The following KMT2D variants were observed in gnomAD, a reference collection of about 807,000 sequenced individuals.
KMT2D encodes lysine methyltransferase 2D.
In KMT2D, 55 loss-of-function variants were observed where a neutral mutation model predicts 512.7. The ratio of observed to expected loss-of-function variants is 0.11; its 90% CI spans 0.09 to 0.13. The LOEUF (loss-of-function observed/expected upper bound fraction) is 0.13. Among genes scored for constraint, KMT2D ranks in the 10% least tolerant of loss-of-function variants. KMT2D has a pLI of 1.00. For missense variants in KMT2D, 6,061 were observed against 7,127.9 expected (o/e 0.85, Z 5.39); for synonymous variants, 2,995 against 2,904.0 (o/e 1.03, Z -1.01).
chr12:49,058,922 G>A (rs1938572386), intron 1 of KMT2D, among the ~76,000 whole-genome samples: 1 of 152,172 alleles, frequency 6.6e-6, no homozygotes, highest in Non-Finnish European at 1.5e-5. Context: ...AGGAGGGGAG[G>A]CAAAGCAGGC....
Position 49,021,561 on chromosome 12 carries a change from A to G in KMT2D, c.*219T>C. The G allele has an allele frequency of 1.8e-6, 1 of 552,930 alleles. No homozygotes were observed. The highest frequency in any genetic ancestry group is 1.9e-5 in the African/African-American group (1 of 53,034). 34.3% of individuals were successfully genotyped at this position (552,930 alleles called of 1,614,324 possible). On this transcript the variant is annotated 3_prime_UTR_variant, in exon 55 of 55. Transcript: ENST00000301067. ...TCCTGGAGCTGGGGGCAGAGATGCCAGCCTGAGGGCCGGTGGTGGGGAAGA... is the reference window on the plus strand; with the variant it reads ...TCCTGGAGCTGGGGGCAGAGATGCCGGCCTGAGGGCCGGTGGTGGGGAAGA...
At chr12:49,035,859 C>CAG (rs1475110134) in intron 35 of KMT2D, 1 of 152,318 alleles carries the variant, frequency 6.6e-6, no homozygotes, top group Non-Finnish European at 1.5e-5. Context: ...AGCACCTGGC[C>CAG]AGAGCTCCCA....
chr12:49,027,959 C>T, intron 47 of KMT2D, 29 bp from the exon 48 acceptor site: 5 of 1,613,556 alleles, frequency 3.1e-6, no homozygotes, highest in Non-Finnish European at 4.2e-6. Flanking sequence ...CAGAGCCTCC[C>T]ACCAGAATCA....
chr12:49,053,186 G>A (rs1170361306), intron 8 of KMT2D, 21 bp downstream of exon 8: 2 of 1,609,730 alleles, frequency 1.2e-6, no homozygotes, highest in African/African-American at 1.3e-5. Context: ...GGACAATAGG[G>A]CAGAATCAGG....
In KMT2D at chr12:49,037,953, T is replaced by C. The variant is rs2120488231; in HGVS notation, c.9403A>G (p.Thr3135Ala). The C allele has an allele frequency of 1.2e-6, 2 of 1,603,710 alleles. No individual in the cohort carries two copies. The highest frequency in any genetic ancestry group is 2.7e-5 in the African/African-American group (2 of 74,830). Reference protein sequence around the residue: ...GGRHPSPCQFTIATPKVEPAP... With the variant: ...GGRHPSPCQFAIATPKVEPAP... ...GGCTCTACCTTGGGGGTAGCAATGG[T>C]GAATTGGCAAGGAGAAGGGTGGCGT... Residue 3135 changes from threonine to alanine, a missense_variant, in exon 35 of 55, where the codon ACC becomes GCC. Coordinates refer to ENST00000301067, the MANE Select transcript of KMT2D (RefSeq NM_003482.4).
At position 49,028,034 on chromosome 12, in the gene KMT2D, T is replaced by C. The variant is rs368970745; in HGVS notation, c.14490A>G (p.Pro4830=). The part of the protein sequence containing the change: ...PESPARAGTE[P]KKGEAEGPGG... ...CAGGACCCTCAGCTTCCCCCTTCTTTGGCTCAGTGCCTGCCCGGGCGGGGC... is the reference window on the plus strand; with the variant it reads ...CAGGACCCTCAGCTTCCCCCTTCTTCGGCTCAGTGCCTGCCCGGGCGGGGC... The change falls in exon 47 of 55, where the codon CCA becomes CCG. Residue 4830 remains proline (P), a synonymous_variant. Transcript: ENST00000301067. 15 of 1,613,190 alleles carry C rather than the reference T, an allele frequency of 9.3e-6. No individual in the cohort carries two copies. The East Asian group carries it at 2.7e-4, about 29-fold the overall frequency.
chr12:49,039,339 C>T lies in KMT2D; in HGVS notation c.8249G>A (p.Gly2750Glu), dbSNP rs1943375848. ...AGTQDKSSLVGLPPSKLSGPI... is the reference protein window; with the variant it reads ...AGTQDKSSLVELPPSKLSGPI... The stretch of plus-strand genomic sequence containing the variant: ...GCCACTCAGCTTGCTTGGGGGCAAC[C>T]CCACAAGGCTGCTCTTGTCCTAGAA... Residue 2750 changes from glycine to glutamate, a missense_variant, in exon 34 of 55, where the codon GGG (glycine) becomes GAG (glutamate). Around this residue, in one of 16 missense-constraint regions of KMT2D, gnomAD observed 527 missense variants for 578.9 expected, o/e 0.91. Transcript: ENST00000301067. The surrounding 1 kb of genome is among the most constrained non-coding windows in gnomAD (Gnocchi z 5.0). The T allele has an allele frequency of 6.2e-7, 1 of 1,613,062 alleles. No individual in the cohort carries two copies. Among genetic ancestry groups the T allele is most frequent in the Admixed American group, 1.7e-5 (1 of 59,852 alleles).
chr12:49,048,254 G>C (rs570427086), intron 14 of KMT2D, among the ~76,000 whole-genome samples, 185 bp from the exon 15 acceptor site: 2 of 152,286 alleles, frequency 1.3e-5, no homozygotes, highest in East Asian at 3.9e-4. Flanking sequence ...ACCTAATCAG[G>C]TCACTTGAAT....
rs1471473189 is a variant in KMT2D at position 49,034,545 on chromosome 12, A to G, written c.10440+37T>C. The G allele has an allele frequency of 3.1e-6, 5 of 1,612,244 alleles. No individual in the cohort carries two copies. The South Asian group carries it at 4.4e-5, about 14-fold the overall frequency. ...GCCCTAAGAAGGGTGGCCCAGTGGC[A>G]TAAGACACAAGTTCCTACTCCCACC... is the stretch of plus-strand genomic sequence containing the variant. On this transcript the variant is annotated intron_variant, in intron 37 of 54. Coordinates refer to ENST00000301067, the MANE Select transcript of KMT2D (RefSeq NM_003482.4).
In KMT2D at chr12:49,032,082, T is replaced by G. The variant is rs1565774211; in HGVS notation, c.12623A>C (p.Asn4208Thr). The G allele has an allele frequency of 1.2e-6, 2 of 1,613,428 alleles. No individual in the cohort carries two copies. The highest frequency in any genetic ancestry group is 1.3e-5 in the African/African-American group (1 of 74,954). The change falls in exon 40 of 55, where the codon AAC (asparagine) becomes ACC (threonine). Residue 4208 changes from asparagine to threonine, a missense_variant. Around this residue, in one of 16 missense-constraint regions of KMT2D, gnomAD observed 1,600 missense variants for 1,754.9 expected, o/e 0.91. Coordinates refer to ENST00000301067, the MANE Select transcript of KMT2D (RefSeq NM_003482.4). ...RAQLQGVLAK[N>T]PQLRHLSPQQ... ...AGGACTTAAGTGCCGCAGCTGTGGG[T>G]TTTTGGCCAGGACTCCTTGGAGCTG...
In KMT2D at chr12:49,044,458, A is replaced by G. The variant is rs1221501083; in HGVS notation, c.5028T>C (p.Pro1676=). Residue 1676 remains proline (P), a synonymous_variant, in exon 21 of 55, where the codon CCT becomes CCC. Coordinates refer to ENST00000301067, the MANE Select transcript of KMT2D (RefSeq NM_003482.4). The surrounding 1 kb of genome is among the most constrained non-coding windows in gnomAD (Gnocchi z 6.4). The stretch of plus-strand genomic sequence containing the variant: ...TGCTTTCCTCGGTCTCCTCTTTGCC[A>G]GGCTCCACATCAGGGCTGACGGGGC... The part of the protein sequence containing the change: ...LEGPVSPDVE[P]GKEETEESKK... 1 of 1,613,450 alleles carries G rather than the reference A, an allele frequency of 6.2e-7. No individual in the cohort carries two copies. The highest frequency in any genetic ancestry group is 1.3e-5 in the African/African-American group (1 of 74,736).
In KMT2D at chr12:49,046,481, G is replaced by C. The variant is rs2120607425; in HGVS notation, c.4419-57C>G. On this transcript the variant is annotated intron_variant, in intron 16 of 54. Coordinates refer to ENST00000301067, the MANE Select transcript of KMT2D (RefSeq NM_003482.4). This position sits in a 1 kb window ranked among gnomAD's most constrained non-coding sequence, Gnocchi z 4.2. ...CCCAACCTACCCGAAGTACCCAGAA[G>C]TCCCCTCACCGGAAACCCAAGCCAC... is the stretch of plus-strand genomic sequence containing the variant. The C allele has an allele frequency of 6.3e-7, 1 of 1,597,734 alleles. No individual in the cohort carries two copies. Among genetic ancestry groups the C allele is most frequent in the Non-Finnish European group, 8.5e-7 (1 of 1,169,776 alleles).
intron 12 of KMT2D, 50 bp from the exon 13 acceptor site, chr12:49,049,268 T>C (rs756305579): frequency 8.3e-6 from 10 of 1,202,150 alleles, no homozygotes; most frequent in Non-Finnish European, 1.2e-5. Context: ...GGCTAGTGTG[T>C]TGGGTTTACA....
rs2120710773 is a variant in KMT2D at position 49,054,562 on chromosome 12, C to G, written c.366G>C (p.Glu122Asp). The G allele has an allele frequency of 6.2e-7, 1 of 1,612,562 alleles. No homozygotes were observed. Among genetic ancestry groups the G allele is most frequent in the East Asian group, 2.2e-5 (1 of 44,836 alleles). The stretch of plus-strand genomic sequence containing the variant: ...CTCCTAGGTGGGCAGGTGTAAGGCC[C>G]TCAGGGAAACCAATCTGTGATAGGT... ...SEDLSQIGFP[E>D]GLTPAHLGEP... The change falls in exon 4 of 55, where the codon GAG becomes GAC. Residue 122 changes from glutamate (E) to aspartate (D), a missense_variant. Glu to Asp is a conservative substitution (Grantham distance 45). Around this residue, in one of 16 missense-constraint regions of KMT2D, gnomAD observed 144 missense variants for 165.7 expected, o/e 0.87. Transcript: ENST00000301067. This position sits in a 1 kb window ranked among gnomAD's most constrained non-coding sequence, Gnocchi z 6.4.
rs1373179700 is a variant in KMT2D, at chr12:49,040,244, T to C, written c.7526A>G (p.Lys2509Arg). The change falls in exon 32 of 55, where the codon AAG becomes AGG. Residue 2509 changes from lysine to arginine, a missense_variant. By Grantham distance (26) the Lys-to-Arg change is conservative. This residue lies in a region of KMT2D where 710 missense variants were observed against 647.3 expected (regional missense o/e 1.10). Coordinates refer to ENST00000301067, the MANE Select transcript of KMT2D (RefSeq NM_003482.4). ...PAGPAGELHA[K>R]VPSGQPPNFV... ...ATTGGGGGGCTGCCCACTTGGGACCTTGGCATGGAGCTCACCTGCTGGCCC... is the reference window on the plus strand; with the variant it reads ...ATTGGGGGGCTGCCCACTTGGGACCCTGGCATGGAGCTCACCTGCTGGCCC... 54 of 1,612,594 alleles carry C rather than the reference T, an allele frequency of 3.3e-5. No individual in the cohort carries two copies. The highest frequency in any genetic ancestry group is 4.3e-5 in the Non-Finnish European group (51 of 1,179,420).
Position 49,037,950 on chromosome 12 carries a change from T to C in KMT2D, c.9406A>G (p.Ile3136Val), listed in dbSNP as rs1943305230. The C allele has an allele frequency of 2.5e-6, 4 of 1,603,752 alleles. No homozygotes were observed. The highest frequency in any genetic ancestry group is 3.4e-6 in the Non-Finnish European group (4 of 1,175,522). Residue 3136 changes from isoleucine (I) to valine (V), a missense_variant, in exon 35 of 55, where the codon ATT becomes GTT. Ile to Val is a conservative substitution (Grantham distance 29). Transcript: ENST00000301067. ...GRHPSPCQFT[I>V]ATPKVEPAPA... ...GCGGGCTCTACCTTGGGGGTAGCAA[T>C]GGTGAATTGGCAAGGAGAAGGGTGG...
Position 49,032,685 on chromosome 12 carries a change from TGAA to T in KMT2D, c.12017_12019del (p.Leu4006del). Reference sequence around the variant, plus strand: ...CAGGGCTCCAGGGCTAGAAAAGTGTTGAAGAGGCTTTGCTGGCATGCCAGGGCC... The same window carrying T: ...CAGGGCTCCAGGGCTAGAAAAGTGTTGAGGCTTTGCTGGCATGCCAGGGCC... On this transcript the variant is annotated inframe_deletion, in exon 40 of 55. Coordinates refer to ENST00000301067, the MANE Select transcript of KMT2D (RefSeq NM_003482.4). The T allele has an allele frequency of 6.2e-7, 1 of 1,613,616 alleles. No individual in the cohort carries two copies. The highest frequency in any genetic ancestry group is 8.5e-7 in the Non-Finnish European group (1 of 1,179,752).
Position 49,026,126 on chromosome 12 carries a change from C to A in KMT2D, c.15784+56G>T, listed in dbSNP as rs1942570475. The stretch of plus-strand genomic sequence containing the variant: ...CCTCTTATAGACATTGTAACAGTGA[C>A]CCTGGGAGAAACTTTTCCCATTCCA... On this transcript the variant is annotated intron_variant, in intron 49 of 54. Coordinates refer to ENST00000301067, the MANE Select transcript of KMT2D (RefSeq NM_003482.4). The surrounding 1 kb of genome is among the most constrained non-coding windows in gnomAD (Gnocchi z 9.6). 1 of 1,475,276 alleles carries A rather than the reference C, an allele frequency of 6.8e-7. No individual in the cohort carries two copies. Among genetic ancestry groups the A allele is most frequent in the Non-Finnish European group, 9.1e-7 (1 of 1,094,172 alleles). 91.4% of individuals were successfully genotyped at this position (1,475,276 alleles called of 1,614,324 possible).
chr12:49,054,275 T>G lies in KMT2D; in HGVS notation c.510+32A>C. On this transcript the variant is annotated intron_variant, in intron 5 of 54. Coordinates refer to ENST00000301067, the MANE Select transcript of KMT2D (RefSeq NM_003482.4). The surrounding 1 kb of genome is among the most constrained non-coding windows in gnomAD (Gnocchi z 6.4). ...TCTCAGAAGCCCACCAGCCCTGCCC[T>G]TCACCTATGCAATCCCCTGGCCCAG... is the stretch of plus-strand genomic sequence containing the variant. The G allele has an allele frequency of 6.4e-7, 1 of 1,558,136 alleles. No homozygotes were observed. Among genetic ancestry groups the G allele is most frequent in the Non-Finnish European group, 8.7e-7 (1 of 1,148,998 alleles).
Sources: allele counts gnomAD v4.1 joint callset (sites outside exome capture counted in the v4.1 genomes callset), GRCh38; gene constraint gnomAD v4.1.1; regional missense constraint gnomAD v4.1.1; non-coding constraint Gnocchi (gnomAD v3.1); transcripts MANE v1.5; gene names NCBI Gene and HGNC (gene_info 2026-07-23, HGNC 2026-07-21).